ACAP2: variants seen among roughly 807,000 people sequenced by gnomAD.
ACAP2 encodes the protein ArfGAP with coiled-coil, ankyrin repeat and PH domains 2, also known as arf-GAP with coiled-coil, ANK repeat and PH domain-containing protein 2.
In ACAP2, 39 loss-of-function variants were observed where a neutral mutation model predicts 115.8. The observed-to-expected ratio is 0.34, with a 90% confidence interval of 0.26 to 0.44. The LOEUF (loss-of-function observed/expected upper bound fraction) is 0.44, where lower values mean the gene tolerates loss of function less well. Ranked by LOEUF, ACAP2 falls within the 20% of genes least tolerant of loss-of-function variation. The probability of loss-of-function intolerance (pLI) is 1.00; values close to 1 mark genes in which losing one functional copy is unlikely to be tolerated. For synonymous variants in ACAP2, 289 were observed against 315.8 expected, an observed-to-expected ratio of 0.92 and a Z score of 0.90; for missense variants, 662 against 927.6, an observed-to-expected ratio of 0.71 and a Z score of 3.72.
In ACAP2 at chr3:195,292,364, GT is replaced by G; in HGVS notation, c.1853del (p.Asn618ThrfsTer15). The G allele has an allele frequency of 6.2e-7, 1 of 1,614,030 alleles. No individual in the cohort carries two copies. Among genetic ancestry groups the G allele is most frequent in the Non-Finnish European group, 8.5e-7 (1 of 1,179,994 alleles). Reference sequence around the variant, plus strand: ...CCAAAGCCTCAGCCATTTTAGGAAGGTTTTTTTCATATGACGCCCTATAAAG... The same window carrying G: ...CCAAAGCCTCAGCCATTTTAGGAAGGTTTTTTCATATGACGCCCTATAAAG... ...LQLYRASYEK[N>X]LPKMAEALAH... On this transcript the variant is annotated frameshift_variant, in exon 19 of 23. Coordinates refer to ENST00000326793, the MANE Select transcript of ACAP2 (RefSeq NM_012287.6). LOFTEE classifies it high-confidence loss of function.
At chr3:195,389,788 C>G (rs1192336154) in intron 2 of ACAP2, among the ~76,000 whole-genome samples, 1 of 152,186 alleles carries the variant, frequency 6.6e-6, no homozygotes, top group African/African-American at 2.4e-5. Flanking sequence ...TTAATTTTTA[C>G]AAAGACTTGC....
At chr3:195,353,694 T>G (rs1577345762) in intron 4 of ACAP2, among the ~76,000 whole-genome samples, 4 of 152,324 alleles carry the variant, frequency 2.6e-5, no homozygotes, top group Admixed American at 2.6e-4. Context: ...CATGGAGATG[T>G]GTGGATCTCA....
At chr3:195,397,212 T>C (rs1483335420) in intron 1 of ACAP2, among the ~76,000 whole-genome samples, 1 of 152,170 alleles carries the variant, frequency 6.6e-6, no homozygotes, top group Admixed American at 6.6e-5. Flanking sequence ...GAGGTGCCTA[T>C]ATGTATGTGT....
chr3:195,322,052 A>G (rs906797758), intron 9 of ACAP2, among the ~76,000 whole-genome samples: 3 of 152,238 alleles, frequency 2.0e-5, no homozygotes, highest in African/African-American at 7.2e-5. Context: ...GAAATCACTC[A>G]TAGTCTTCTT....
intron 9 of ACAP2, 120 bp downstream of exon 9, chr3:195,326,765 A>C (rs980369737): frequency 2.5e-6 from 2 of 794,990 alleles, no homozygotes; most frequent in African/African-American, 3.5e-5. Flanking sequence ...AGAGGAATTT[A>C]TCTGCACAAT....
chr3:195,380,665 G>C (rs533285852), intron 4 of ACAP2, among the ~76,000 whole-genome samples: 2 of 152,208 alleles, frequency 1.3e-5, no homozygotes, highest in African/African-American at 4.8e-5. Context: ...CATTTAAAAT[G>C]ACTTTTACTT....
chr3:195,326,273 A>C (rs1160608132), intron 9 of ACAP2: 3 of 152,300 alleles, frequency 2.0e-5, no homozygotes, highest in African/African-American at 4.8e-5. Context: ...CTTTATAAGA[A>C]AGTTGAGTTG....
chr3:195,375,232 T>C (rs1270040780), intron 4 of ACAP2, among the ~76,000 whole-genome samples: 1 of 151,984 alleles, frequency 6.6e-6, no homozygotes, highest in African/African-American at 2.4e-5. Context: ...TATCTGGACA[T>C]GTTATACACA....
rs1248041067 is a variant in ACAP2, at chr3:195,279,038, C to T, written c.*290G>A. On this transcript the variant is annotated 3_prime_UTR_variant, in exon 23 of 23. Transcript: ENST00000326793. The stretch of plus-strand genomic sequence containing the variant: ...TGGCAAAAGAATCACTTTTGTCTAA[C>T]CTCCTATCATCTTGTAACCTAGAGA... 4 of 223,664 alleles carry T rather than the reference C, an allele frequency of 1.8e-5. No homozygotes were observed. The East Asian group carries it at 3.2e-4, about 18-fold the overall frequency. The allele number at this position is 223,664 out of a possible 1,614,324, so 13.9% of individuals were successfully genotyped here. A position where few individuals can be genotyped will look rare whatever the true frequency, so the allele number is the denominator to read the frequency against.
At chr3:195,335,087 T>G (rs552823210) in intron 7 of ACAP2, among the ~76,000 whole-genome samples, 1 of 152,194 alleles carries the variant, frequency 6.6e-6, no homozygotes, top group Non-Finnish European at 1.5e-5. Flanking sequence ...TGAAAATATA[T>G]GAAATTTATG....
chr3:195,432,561 T>C (rs1195486815), intron 1 of ACAP2, among the ~76,000 whole-genome samples: 7 of 152,258 alleles, frequency 4.6e-5, no homozygotes, highest in Non-Finnish European at 8.8e-5. Context: ...TCTATCCTTA[T>C]GCCAGTACTA....
intron 1 of ACAP2, among the ~76,000 whole-genome samples, chr3:195,426,015 A>G (rs1216292716): frequency 6.6e-6 from 1 of 152,168 alleles, no homozygotes; most frequent in African/African-American, 2.4e-5. Flanking sequence ...ACCACTGCTA[A>G]AAGCTTTCTA....
At chr3:195,351,265 A>C (rs550644058) in intron 4 of ACAP2, among the ~76,000 whole-genome samples, 4 of 151,568 alleles carry the variant, frequency 2.6e-5, no homozygotes, top group South Asian at 4.2e-4. Context: ...TTACAGGGGC[A>C]TGCCACCACG....
intron 9 of ACAP2, among the ~76,000 whole-genome samples, chr3:195,324,416 A>G (rs774202651): frequency 2.0e-5 from 3 of 152,176 alleles, no homozygotes; most frequent in Admixed American, 1.3e-4. Flanking sequence ...TGAGAGAATT[A>G]AAGGAAACTA....
chr3:195,409,879 CAAAAAAAAAAAAAAAA>C (rs59779977), intron 1 of ACAP2, among the ~76,000 whole-genome samples: 3 of 56,980 alleles, frequency 5.3e-5, no homozygotes, highest in African/African-American at 7.8e-5. Flanking sequence ...GACTCCATCT[CAAAAAAAAAAAAAAAA>C]AAAAAAAAAA....
intron 10 of ACAP2, among the ~76,000 whole-genome samples, chr3:195,311,317 T>C (rs192340749): frequency 2.0e-3 from 305 of 152,080 alleles, no homozygotes; most frequent in African/African-American, 7.2e-3. Context: ...GGCTGGTCTC[T>C]AACTCCTGGT....
intron 9 of ACAP2, among the ~76,000 whole-genome samples, chr3:195,322,782 C>CT (rs1230552686): frequency 1.3e-5 from 2 of 152,188 alleles, no homozygotes; most frequent in East Asian, 3.8e-4. Flanking sequence ...ACTTAAAAGA[C>CT]TTCTTTGAAA....
chr3:195,408,236 C>T (rs529424357), intron 1 of ACAP2, among the ~76,000 whole-genome samples: 119 of 152,178 alleles, frequency 7.8e-4, no homozygotes, highest in African/African-American at 2.7e-3. Context: ...CCAAGGCAGG[C>T]GGTCTGCTTT....
chr3:195,319,099 C>T (rs976793378), intron 10 of ACAP2, among the ~76,000 whole-genome samples: 3 of 152,204 alleles, frequency 2.0e-5, no homozygotes, highest in Admixed American at 1.3e-4. Context: ...TCAGAGTGGG[C>T]AAGCCCCAAG....
Sources: gnomAD v4.1 joint callset for allele counts (sites outside exome capture counted in the v4.1 genomes callset) on GRCh38, gnomAD v4.1.1 for gene constraint, MANE v1.5 for transcripts, NCBI Gene and HGNC (gene_info 2026-07-23, HGNC 2026-07-21) for gene names.